The following ADAMTS3 variants were observed in gnomAD, a reference collection of about 807,000 sequenced individuals.
ADAMTS3 encodes the protein ADAM metallopeptidase with thrombospondin type 1 motif 3.
In ADAMTS3, 73 loss-of-function variants were observed where a neutral mutation model predicts 129.0. That is an observed-to-expected ratio of 0.57 (90% CI 0.47 to 0.69). ADAMTS3 has a LOEUF of 0.69. ADAMTS3 is among the 30% of genes least tolerant of loss of function. The pLI is 0.00. For missense variants in ADAMTS3, 1,457 were observed against 1,514.5 expected (o/e 0.96, Z 0.63); for synonymous variants, 477 against 510.8 (o/e 0.93, Z 0.89).
chr4:72,541,455 T>G (rs1447706967), intron 3 of ADAMTS3, among the ~76,000 whole-genome samples: 1 of 152,202 alleles, frequency 6.6e-6, no homozygotes, highest in Non-Finnish European at 1.5e-5. Context: ...CTGAAATAAG[T>G]TAAGACTTTG....
intron 5 of ADAMTS3, among the ~76,000 whole-genome samples, chr4:72,329,733 T>C (rs1719795230): frequency 6.6e-6 from 1 of 151,404 alleles, no homozygotes; most frequent in African/African-American, 2.4e-5. Context: ...CTTAGTAACA[T>C]TCTCAACTTT....
intron 3 of ADAMTS3, among the ~76,000 whole-genome samples, chr4:72,421,230 C>T (rs1722436563): frequency 6.6e-6 from 1 of 152,220 alleles, no homozygotes; most frequent in Non-Finnish European, 1.5e-5. Context: ...CCTAGTCCCA[C>T]TGGTACTACC....
intron 21 of ADAMTS3, among the ~76,000 whole-genome samples, chr4:72,284,240 G>A (rs1718439347): frequency 6.6e-6 from 1 of 151,628 alleles, no homozygotes. Context: ...GTTTGAGATC[G>A]AGACCATCCT....
chr4:72,425,275 A>G (rs1029426581), intron 3 of ADAMTS3, among the ~76,000 whole-genome samples: 15 of 152,162 alleles, frequency 9.9e-5, no homozygotes, highest in Non-Finnish European at 1.6e-4. Flanking sequence ...AATGATTCAC[A>G]CTGTCCAATG....
intron 3 of ADAMTS3, among the ~76,000 whole-genome samples, chr4:72,539,654 A>C (rs1721272817): frequency 6.6e-6 from 1 of 152,168 alleles, no homozygotes; most frequent in Non-Finnish European, 1.5e-5. Context: ...AATTCCTACA[A>C]TTCCCATATG....
At position 72,312,450 on chromosome 4, in the gene ADAMTS3, G is replaced by A; in HGVS notation, c.1762C>T (p.Gln588Ter). 6.2e-7 allele frequency: 1 copy of A among 1,613,344 alleles called. No individual in the cohort carries two copies. Among genetic ancestry groups the A allele is most frequent in the Non-Finnish European group, 8.5e-7 (1 of 1,179,572 alleles). ...TCAAAATTAACACCAGGACAATCCT[G>A]ACCACCATTGATGGGCCTAAAGAAA... ...CNNPMPINGG[Q>*]DCPGVNFEYQ... The change falls in exon 13 of 22, where the codon CAG becomes TAG. Residue 588 changes from glutamine to a stop codon, truncating the protein, a stop_gained. Transcript: ENST00000286657. LOFTEE classifies it high-confidence loss of function.
intron 4 of ADAMTS3, among the ~76,000 whole-genome samples, chr4:72,396,745 T>C (rs1578643329): frequency 6.6e-6 from 1 of 152,224 alleles, no homozygotes; most frequent in East Asian, 1.9e-4. Flanking sequence ...ATATTCTGCT[T>C]TCTGGATTTA....
intron 3 of ADAMTS3, among the ~76,000 whole-genome samples, chr4:72,453,548 T>C (rs1718464652): frequency 6.6e-6 from 1 of 151,718 alleles, no homozygotes; most frequent in Admixed American, 6.6e-5. Context: ...GGTTAGTATG[T>C]GGTGGAACAG....
intron 3 of ADAMTS3, among the ~76,000 whole-genome samples, chr4:72,467,503 C>G (rs1379083989): frequency 2.0e-5 from 3 of 152,174 alleles, no homozygotes; most frequent in Non-Finnish European, 2.9e-5. Flanking sequence ...TTGATCCCAT[C>G]TTGTATCTCC....
At chr4:72,522,041 A>C (rs1315580091) in intron 3 of ADAMTS3, among the ~76,000 whole-genome samples, 1 of 152,200 alleles carries the variant, frequency 6.6e-6, no homozygotes, top group African/African-American at 2.4e-5. Context: ...AAGTAAAAAC[A>C]TGACAGACTT....
At chr4:72,285,730 T>C (rs1303625512) in intron 21 of ADAMTS3, among the ~76,000 whole-genome samples, 1 of 143,972 alleles carries the variant, frequency 6.9e-6, no homozygotes, top group Non-Finnish European at 1.5e-5. Flanking sequence ...ATTAACCTTA[T>C]GGGAATTTGC....
rs575023546 is a variant in ADAMTS3, at chr4:72,426,606, G to T, written c.505-11635C>A. Among the ~76,000 whole-genome samples the T allele has an allele frequency of 4.1e-4, 62 of 152,230 alleles. 1 individual carries two copies. The South Asian group carries it at 0.013, about 32-fold the overall frequency. On this transcript the variant is annotated intron_variant, in intron 3 of 21. Transcript: ENST00000286657. ...AATATAACAATAAAAAACTAAATTA[G>T]CTTGGCGAAGTGCTTCATGCCTATA...
chr4:72,462,920 G>A lies in ADAMTS3; in HGVS notation c.505-47949C>T, dbSNP rs184270091. On this transcript the variant is annotated intron_variant, in intron 3 of 21. Transcript: ENST00000286657. ...TAAATTTAGTGTAGCCTAAGTGTAC[G>A]GTGTTTATGAAGTCTAGAGGAGTGT... Among the ~76,000 whole-genome samples, 194 of 151,936 alleles carry A rather than the reference G, an allele frequency of 1.3e-3. 2 individuals carry two copies. The South Asian group carries it at 0.014, about 11-fold the overall frequency.
chr4:72,371,441 G>GTAAATAAA (rs4019787), intron 4 of ADAMTS3, among the ~76,000 whole-genome samples: 1,539 of 148,736 alleles, frequency 0.01, 12 homozygotes, highest in African/African-American at 0.032. Context: ...GACACTAAAA[G>GTAAATAAA]TAAATAAATA....
chr4:72,375,400 T>G (rs898046238), intron 4 of ADAMTS3, among the ~76,000 whole-genome samples: 1 of 152,028 alleles, frequency 6.6e-6, no homozygotes, highest in African/African-American at 2.4e-5. Context: ...AAATGATGAG[T>G]AAAACAGGCT....
chr4:72,396,428 A>G (rs1341010839), intron 4 of ADAMTS3, among the ~76,000 whole-genome samples: 3 of 152,224 alleles, frequency 2.0e-5, no homozygotes, highest in African/African-American at 7.2e-5. Flanking sequence ...ATATTTTATA[A>G]GAACTATAAA....
At chr4:72,318,516 G>A in intron 10 of ADAMTS3, 56 bp downstream of exon 10, 1 of 1,584,806 alleles carries the variant, frequency 6.3e-7, no homozygotes, top group South Asian at 1.2e-5. Flanking sequence ...CACCAAGCAG[G>A]AGCTACACAA....
At chr4:72,290,786 C>T in intron 20 of ADAMTS3, 69 bp downstream of exon 20, 1 of 1,521,610 alleles carries the variant, frequency 6.6e-7, no homozygotes, top group Non-Finnish European at 9.1e-7. Context: ...ATGTTTAAGC[C>T]AAATTAAAAT....
At chr4:72,330,045 T>C (rs540565447) in intron 5 of ADAMTS3, among the ~76,000 whole-genome samples, 1 of 151,964 alleles carries the variant, frequency 6.6e-6, no homozygotes, top group Non-Finnish European at 1.5e-5. Context: ...TGAGATGGAG[T>C]TTCACTCTTG....
Sources: gnomAD v4.1 joint callset for allele counts (sites outside exome capture counted in the v4.1 genomes callset) on GRCh38, gnomAD v4.1.1 for gene constraint, MANE v1.5 for transcripts, NCBI Gene and HGNC (gene_info 2026-07-23, HGNC 2026-07-21) for gene names.